Variants in FBXL7 observed in about 807,000 individuals in gnomAD.
The protein encoded by FBXL7 is F-box/LRR-repeat protein 7.
FBXL7 carries 12 observed loss-of-function variants against 38.3 expected under a neutral mutation model. That is an observed-to-expected ratio of 0.31 (90% CI 0.20 to 0.51). The LOEUF (loss-of-function observed/expected upper bound fraction) is 0.51, where lower values mean the gene tolerates loss of function less well. FBXL7 is among the 20% of genes least tolerant of loss of function. The probability of loss-of-function intolerance (pLI) is 0.98; values close to 1 mark genes in which losing one functional copy is unlikely to be tolerated. For synonymous variants in FBXL7, 297 were observed against 300.9 expected, an observed-to-expected ratio of 0.99 and a Z score of 0.13; for missense variants, 567 against 676.4, an observed-to-expected ratio of 0.84 and a Z score of 1.79.
At chr5:15,508,476 T>C (rs1406594327) in intron 1 of FBXL7, among the ~76,000 whole-genome samples, 1 of 152,206 alleles carries the variant, frequency 6.6e-6, no homozygotes, top group South Asian at 2.1e-4. Context: ...GTCTAATGAT[T>C]AGAGCTGCCC....
intron 2 of FBXL7, among the ~76,000 whole-genome samples, chr5:15,862,074 A>G (rs767792482): frequency 1.3e-5 from 2 of 152,112 alleles, no homozygotes; most frequent in Non-Finnish European, 2.9e-5. Flanking sequence ...AGAATGGAGA[A>G]ATGACCTTAA....
At chr5:15,699,711 C>G (rs1264112987) in intron 2 of FBXL7, among the ~76,000 whole-genome samples, 5 of 152,158 alleles carry the variant, frequency 3.3e-5, no homozygotes, top group Non-Finnish European at 7.4e-5. Context: ...AGGAAACACA[C>G]TACAATTACA....
chr5:15,769,676 A>T (rs1736678638), intron 2 of FBXL7, among the ~76,000 whole-genome samples: 1 of 152,092 alleles, frequency 6.6e-6, no homozygotes, highest in African/African-American at 2.4e-5. Flanking sequence ...TCTAGACTGG[A>T]AGAGGTGAAG....
At chr5:15,815,959 C>T (rs1738002385) in intron 2 of FBXL7, among the ~76,000 whole-genome samples, 1 of 152,138 alleles carries the variant, frequency 6.6e-6, no homozygotes, top group Non-Finnish European at 1.5e-5. Flanking sequence ...AAAATTTCCA[C>T]ATCTACCTAA....
intron 1 of FBXL7, among the ~76,000 whole-genome samples, chr5:15,613,555 A>G (rs1740330158): frequency 6.6e-6 from 1 of 152,156 alleles, no homozygotes; most frequent in African/African-American, 2.4e-5. Context: ...CCAATGAGCA[A>G]TGGGTGATAG....
intron 2 of FBXL7, among the ~76,000 whole-genome samples, chr5:15,742,594 C>A (rs570734604): frequency 2.0e-5 from 3 of 152,298 alleles, no homozygotes; most frequent in Admixed American, 6.5e-5. Flanking sequence ...GGTAGGACTA[C>A]ATTGTAATTT....
At chr5:15,656,962 G>A (rs1395195378) in intron 2 of FBXL7, among the ~76,000 whole-genome samples, 1 of 152,032 alleles carries the variant, frequency 6.6e-6, no homozygotes, top group East Asian at 1.9e-4. Context: ...AAATGGAAAT[G>A]AGAAAGATCT....
chr5:15,805,067 G>C (rs941263361), intron 2 of FBXL7, among the ~76,000 whole-genome samples: 12 of 152,128 alleles, frequency 7.9e-5, no homozygotes, highest in Admixed American at 7.2e-4. Flanking sequence ...CCTGCTCTCT[G>C]TATGTGTCTA....
chr5:15,542,026 A>C (rs940556010), intron 1 of FBXL7, among the ~76,000 whole-genome samples: 11 of 151,962 alleles, frequency 7.2e-5, no homozygotes, highest in African/African-American at 2.4e-4. Context: ...TTATTTTCTT[A>C]AAAATACATC....
At chr5:15,505,973 A>G (rs1239974029) in intron 1 of FBXL7, among the ~76,000 whole-genome samples, 1 of 152,158 alleles carries the variant, frequency 6.6e-6, no homozygotes, top group Non-Finnish European at 1.5e-5. Flanking sequence ...TTAATTAAGC[A>G]CTTATCATGC....
At chr5:15,757,410 T>C (rs942177687) in intron 2 of FBXL7, among the ~76,000 whole-genome samples, 4 of 152,082 alleles carry the variant, frequency 2.6e-5, no homozygotes, top group African/African-American at 9.7e-5. Context: ...GTTCTACTCC[T>C]AGGAGGCTCT....
chr5:15,651,490 A>G (rs758583212), intron 2 of FBXL7, among the ~76,000 whole-genome samples: 10 of 152,178 alleles, frequency 6.6e-5, no homozygotes, highest in Non-Finnish European at 8.8e-5. Context: ...AACAACATTA[A>G]TCTACTTGTG....
chr5:15,897,626 A>G (rs897272627), intron 2 of FBXL7, among the ~76,000 whole-genome samples: 6 of 152,312 alleles, frequency 3.9e-5, no homozygotes, highest in Non-Finnish European at 5.9e-5. Flanking sequence ...AGGGGACAAC[A>G]TGAGTAGTGT....
intron 1 of FBXL7, among the ~76,000 whole-genome samples, chr5:15,560,735 G>A (rs1345396491): frequency 1.3e-5 from 2 of 152,124 alleles, no homozygotes; most frequent in Non-Finnish European, 2.9e-5. Flanking sequence ...CATATTACCA[G>A]TCTCTTTCAA....
chr5:15,632,729 G>A (rs1054425479), intron 2 of FBXL7, among the ~76,000 whole-genome samples: 7 of 152,150 alleles, frequency 4.6e-5, no homozygotes, highest in Non-Finnish European at 1.0e-4. Flanking sequence ...TAACATGGAT[G>A]CAACTGAAGG....
chr5:15,752,070 AT>A (rs1561112313), intron 2 of FBXL7, among the ~76,000 whole-genome samples: 1 of 152,214 alleles, frequency 6.6e-6, no homozygotes, highest in Non-Finnish European at 1.5e-5. Flanking sequence ...GATCTTCAGA[AT>A]TTTAATTTCT....
In FBXL7 at chr5:15,676,716, GC is replaced by G. The variant is rs552057045; in HGVS notation, c.127+60645del. 3.2e-3 allele frequency among the ~76,000 whole-genome samples: 486 copies of G among 152,348 alleles called. 3 individuals carry two copies. Among genetic ancestry groups the G allele is most frequent in the African/African-American group, 0.011 (466 of 41,590 alleles). On this transcript the variant is annotated intron_variant, in intron 2 of 3. Transcript: ENST00000504595. ...GAGCAGGGCCATAGGTGGCCATGCT[GC>G]AGGGCACTGCTGTTCAGAGGGGGCT...
At chr5:15,698,232 A>C (rs1190932049) in intron 2 of FBXL7, among the ~76,000 whole-genome samples, 2 of 152,206 alleles carry the variant, frequency 1.3e-5, no homozygotes, top group African/African-American at 4.8e-5. Flanking sequence ...TGAAAGCATA[A>C]TAACTTCCAG....
chr5:15,528,471 C>T (rs1327530023), intron 1 of FBXL7, among the ~76,000 whole-genome samples: 2 of 152,310 alleles, frequency 1.3e-5, no homozygotes, highest in East Asian at 1.9e-4. Context: ...TGGACTCACA[C>T]AGTTCCATGT....
Sources: allele counts gnomAD v4.1 joint callset (sites outside exome capture counted in the v4.1 genomes callset), GRCh38; gene constraint gnomAD v4.1.1; transcripts MANE v1.5; gene names NCBI Gene and HGNC (gene_info 2026-07-23, HGNC 2026-07-21).